GRIK4: variants seen among roughly 807,000 people sequenced by gnomAD.
The protein encoded by GRIK4 is glutamate receptor ionotropic, kainate 4.
GRIK4 carries 40 observed loss-of-function variants against 104.9 expected under a neutral mutation model. The ratio of observed to expected loss-of-function variants is 0.38; its 90% confidence interval spans 0.30 to 0.50. The LOEUF (loss-of-function observed/expected upper bound fraction) is 0.50, where lower values mean the gene tolerates loss of function less well. GRIK4 is among the 20% of genes least tolerant of loss of function. The pLI is 0.93. For missense variants in GRIK4, 1,047 were observed against 1,308.1 expected (o/e 0.80, Z 3.08); for synonymous variants, 485 against 524.9 (o/e 0.92, Z 1.04).
chr11:120,574,649 C>G (rs1948454331), intron 1 of GRIK4, among the ~76,000 whole-genome samples: 1 of 152,192 alleles, frequency 6.6e-6, no homozygotes, highest in Non-Finnish European at 1.5e-5. Context: ...GTCTTGTTCA[C>G]TATTGAACCC....
At chr11:120,617,309 G>A (rs1949129206) in intron 1 of GRIK4, among the ~76,000 whole-genome samples, 1 of 152,166 alleles carries the variant, frequency 6.6e-6, no homozygotes, top group South Asian at 2.1e-4. Flanking sequence ...TGGATGAACA[G>A]CTGACTAAGA....
intron 13 of GRIK4, among the ~76,000 whole-genome samples, chr11:120,918,844 G>A (rs1943167567): frequency 6.6e-6 from 1 of 152,224 alleles, no homozygotes; most frequent in African/African-American, 2.4e-5. Context: ...CAGAGCTAAT[G>A]AGAATTGTCG....
At chr11:120,614,021 C>G (rs1016699511) in intron 1 of GRIK4, among the ~76,000 whole-genome samples, 1 of 152,162 alleles carries the variant, frequency 6.6e-6, no homozygotes, top group African/African-American at 2.4e-5. Context: ...ATTGGTTCAC[C>G]CTGCCCTCTG....
At chr11:120,927,585 A>G (rs1243296823) in intron 13 of GRIK4, among the ~76,000 whole-genome samples, 1 of 146,250 alleles carries the variant, frequency 6.8e-6, no homozygotes, top group Non-Finnish European at 1.5e-5. Context: ...AAAAAAAAAA[A>G]AAAAGAAAGA....
chr11:120,713,917 G>C (rs974759612), intron 3 of GRIK4, among the ~76,000 whole-genome samples: 1 of 152,178 alleles, frequency 6.6e-6, no homozygotes, highest in African/African-American at 2.4e-5. Flanking sequence ...AAGTCCCATT[G>C]AGAGTCATGA....
chr11:120,864,430 TGGG>T (rs1954348431), intron 9 of GRIK4, among the ~76,000 whole-genome samples: 1 of 151,926 alleles, frequency 6.6e-6, no homozygotes, highest in Admixed American at 6.6e-5. Flanking sequence ...TTAGTAGAGA[TGGG>T]GTTTCACCGT....
intron 1 of GRIK4, among the ~76,000 whole-genome samples, chr11:120,607,721 G>C (rs1392961042): frequency 6.6e-6 from 1 of 152,144 alleles, no homozygotes; most frequent in Non-Finnish European, 1.5e-5. Flanking sequence ...CTTTATTTGG[G>C]TAGAGATGCA....
intron 7 of GRIK4, among the ~76,000 whole-genome samples, chr11:120,832,450 T>A (rs1953454959): frequency 1.3e-5 from 2 of 152,220 alleles, no homozygotes; most frequent in African/African-American, 4.8e-5. Flanking sequence ...ATGCCAGCTC[T>A]GTCTTTAGTC....
At chr11:120,825,829 A>G (rs1297153033) in intron 6 of GRIK4, among the ~76,000 whole-genome samples, 1 of 152,180 alleles carries the variant, frequency 6.6e-6, no homozygotes, top group Non-Finnish European at 1.5e-5. Context: ...ACCACATTTA[A>G]TTACTGTTAT....
At chr11:120,580,262 TTTCTTTCCTTTCTTTCTTTATTTA>T (rs1231250411) in intron 1 of GRIK4, among the ~76,000 whole-genome samples, 38 of 137,846 alleles carry the variant, frequency 2.8e-4, no homozygotes, top group African/African-American at 1.2e-3. Flanking sequence ...TTTTTCTTTC[TTTCTTTCCTTTCTTTCTTTATTTA>T]TTTTTTTGAG....
intron 3 of GRIK4, among the ~76,000 whole-genome samples, chr11:120,766,699 A>C (rs1282138108): frequency 6.6e-6 from 1 of 151,996 alleles, no homozygotes. Context: ...TCCCTTGGCT[A>C]GGGGAGGTAG....
At chr11:120,797,274 C>T (rs1952538405) in intron 3 of GRIK4, among the ~76,000 whole-genome samples, 1 of 152,184 alleles carries the variant, frequency 6.6e-6, no homozygotes, top group South Asian at 2.1e-4. Context: ...AGGGCAGTCC[C>T]CAGGGCTGGA....
chr11:120,948,364 T>C (rs545735798), intron 14 of GRIK4, among the ~76,000 whole-genome samples: 1 of 152,310 alleles, frequency 6.6e-6, no homozygotes, highest in Non-Finnish European at 1.5e-5. Flanking sequence ...AGAGCTCGTA[T>C]CATGCATTTG....
intron 3 of GRIK4, among the ~76,000 whole-genome samples, chr11:120,798,842 A>G (rs1026302774): frequency 8.5e-5 from 13 of 152,144 alleles, no homozygotes; most frequent in African/African-American, 3.1e-4. Flanking sequence ...ATTTAACCTT[A>G]GTTTTGTCCT....
chr11:120,717,964 C>A (rs568021495), intron 3 of GRIK4, among the ~76,000 whole-genome samples: 1 of 152,260 alleles, frequency 6.6e-6, no homozygotes, highest in South Asian at 2.1e-4. Flanking sequence ...TAAGCTGAGG[C>A]GGCTGTCTGT....
At chr11:120,627,619 C>T (rs1203153447) in intron 1 of GRIK4, among the ~76,000 whole-genome samples, 1 of 152,186 alleles carries the variant, frequency 6.6e-6, no homozygotes, top group Non-Finnish European at 1.5e-5. Context: ...GAGGCAGGCC[C>T]TGCTGGGGCA....
At chr11:120,574,542 C>T (rs1354109062) in intron 1 of GRIK4, among the ~76,000 whole-genome samples, 2 of 152,156 alleles carry the variant, frequency 1.3e-5, no homozygotes, top group African/African-American at 4.8e-5. Context: ...TTGGGAAGGC[C>T]AACACCCTCT....
intron 8 of GRIK4, among the ~76,000 whole-genome samples, chr11:120,857,051 C>T (rs1253688456): frequency 6.6e-6 from 1 of 152,144 alleles, no homozygotes; most frequent in Non-Finnish European, 1.5e-5. Flanking sequence ...GGCACTGGAC[C>T]CTGTGTGGTA....
At chr11:120,933,299 A>G (rs1246532512) in intron 13 of GRIK4, among the ~76,000 whole-genome samples, 1 of 152,172 alleles carries the variant, frequency 6.6e-6, no homozygotes, top group Non-Finnish European at 1.5e-5. Context: ...AACTCATCAT[A>G]AGGTCTCCAT....
Sources: allele counts gnomAD v4.1 joint callset (sites outside exome capture counted in the v4.1 genomes callset), GRCh38; gene constraint gnomAD v4.1.1; transcripts MANE v1.5; gene names NCBI Gene and HGNC (gene_info 2026-07-23, HGNC 2026-07-21).